PRKG1: variants seen among roughly 807,000 people sequenced by gnomAD.
The protein encoded by PRKG1 is cGMP-dependent protein kinase 1.
In PRKG1, 35 loss-of-function variants were observed where a neutral mutation model predicts 88.1. That is an observed-to-expected ratio of 0.40 (90% CI 0.30 to 0.53). The LOEUF is 0.53. PRKG1 is among the 20% of genes least tolerant of loss of function. The pLI, the probability that PRKG1 is intolerant of heterozygous loss-of-function variation, is 0.59. For synonymous variants in PRKG1, 303 were observed against 292.5 expected, an observed-to-expected ratio of 1.04 and a Z score of -0.37; for missense variants, 540 against 839.8, an observed-to-expected ratio of 0.64 and a Z score of 4.41.
chr10:51,199,105 CAAAT>C (rs1023477998), intron 2 of PRKG1, among the ~76,000 whole-genome samples: 1 of 152,106 alleles, frequency 6.6e-6, no homozygotes, highest in Admixed American at 6.5e-5. Flanking sequence ...AAATTGCAAA[CAAAT>C]GAATTGTACA....
At chr10:52,056,723 T>A (rs954106281) in intron 6 of PRKG1, among the ~76,000 whole-genome samples, 1 of 152,146 alleles carries the variant, frequency 6.6e-6, no homozygotes, top group African/African-American at 2.4e-5. Context: ...CTGCTATGAT[T>A]CTTAGTTATG....
At chr10:52,067,473 G>A (rs776576266) in intron 7 of PRKG1, among the ~76,000 whole-genome samples, 2 of 152,242 alleles carry the variant, frequency 1.3e-5, no homozygotes, top group East Asian at 1.9e-4. Flanking sequence ...TGGCATTGCC[G>A]AAATGTAAAC....
chr10:51,836,806 C>A (rs1165098981), intron 4 of PRKG1, among the ~76,000 whole-genome samples: 1 of 152,124 alleles, frequency 6.6e-6, no homozygotes, highest in African/African-American at 2.4e-5. Flanking sequence ...AATCTCATGA[C>A]CCTTTTAATA....
intron 4 of PRKG1, among the ~76,000 whole-genome samples, chr10:51,865,330 C>A (rs141370958): frequency 2.1e-3 from 320 of 151,978 alleles, no homozygotes; most frequent in African/African-American, 7.2e-3. Flanking sequence ...GTGTTTATTG[C>A]CAATTTTATA....
chr10:51,896,645 T>TAAAAAAAAAA (rs10649150), intron 4 of PRKG1, among the ~76,000 whole-genome samples: 4 of 95,004 alleles, frequency 4.2e-5, no homozygotes, highest in Admixed American at 1.3e-4. Context: ...CCCTGTCTCT[T>TAAAAAAAAAA]AAAAAAAAAA....
upstream of PRKG1, among the ~76,000 whole-genome samples, chr10:51,073,066 A>T (rs1263033014): frequency 1.3e-5 from 2 of 152,244 alleles, no homozygotes; most frequent in Admixed American, 1.3e-4. Flanking sequence ...AAGATGCTAT[A>T]AAATTGGATG....
chr10:51,554,861 A>C (rs923568859), intron 3 of PRKG1, among the ~76,000 whole-genome samples: 3 of 151,766 alleles, frequency 2.0e-5, no homozygotes, highest in Non-Finnish European at 4.4e-5. Flanking sequence ...AAGCCTCAAA[A>C]AAATTTTTTT....
intron 3 of PRKG1, among the ~76,000 whole-genome samples, chr10:51,788,299 T>C (rs1053806150): frequency 6.6e-6 from 1 of 152,210 alleles, no homozygotes; most frequent in East Asian, 1.9e-4. Flanking sequence ...CTAATCATTG[T>C]TGAATGATCA....
chr10:52,141,332 G>A (rs1281504070), intron 8 of PRKG1, among the ~76,000 whole-genome samples: 1 of 152,096 alleles, frequency 6.6e-6, no homozygotes, highest in African/African-American at 2.4e-5. Flanking sequence ...CAACATTTGT[G>A]GTTTAAAGTC....
intron 1 of PRKG1, among the ~76,000 whole-genome samples, chr10:51,120,698 C>G (rs904273530): frequency 6.6e-6 from 1 of 152,080 alleles, no homozygotes; most frequent in African/African-American, 2.4e-5. Flanking sequence ...AAACAGCTAT[C>G]GTTCTTTTCT....
chr10:51,207,727 T>C (rs1358491800), intron 2 of PRKG1, among the ~76,000 whole-genome samples: 2 of 152,164 alleles, frequency 1.3e-5, no homozygotes, highest in Non-Finnish European at 2.9e-5. Flanking sequence ...TGGAAGCCAA[T>C]GGCAACTTTA....
intron 4 of PRKG1, among the ~76,000 whole-genome samples, chr10:51,899,845 G>A (rs956867634): frequency 3.3e-5 from 5 of 151,666 alleles, no homozygotes; most frequent in African/African-American, 1.2e-4. Flanking sequence ...TGGATCATGC[G>A]GTTGCATACC....
At chr10:51,370,495 A>AGTGTGTGTGTGTGTGTATGTGT (rs1564465225) in intron 2 of PRKG1, among the ~76,000 whole-genome samples, 3 of 128,582 alleles carry the variant, frequency 2.3e-5, no homozygotes, top group African/African-American at 8.7e-5. Flanking sequence ...AGAGAGAGAG[A>AGTGTGTGTGTGTGTGTATGTGT]GTGTGTGTGT....
In PRKG1 at chr10:51,396,548, G is replaced by A. The variant is rs150961633; in HGVS notation, c.479-71175G>A. ...AAGCAGTTTTCCTTAGAAGAAACTC[G>A]TTAGATCTTTCAGTGATGGTTAGCG... is the stretch of plus-strand genomic sequence containing the variant. On this transcript the variant is annotated intron_variant, in intron 2 of 17. Coordinates refer to ENST00000373980, the MANE Select transcript of PRKG1 (RefSeq NM_006258.4). Among the ~76,000 whole-genome samples the A allele has an allele frequency of 6.0e-3, 908 of 152,266 alleles. 6 individuals are homozygous for A. Among genetic ancestry groups the A allele is most frequent in the African/African-American group, 0.02 (851 of 41,544 alleles).
At chr10:51,505,530 A>G (rs964349993) in intron 3 of PRKG1, among the ~76,000 whole-genome samples, 3 of 152,190 alleles carry the variant, frequency 2.0e-5, no homozygotes, top group Non-Finnish European at 4.4e-5. Flanking sequence ...TGATTGGAAC[A>G]GTTTCAGAAG....
intron 1 of PRKG1, among the ~76,000 whole-genome samples, chr10:51,129,386 A>G (rs1043020572): frequency 3.3e-5 from 5 of 152,086 alleles, no homozygotes; most frequent in Admixed American, 6.6e-5. Context: ...CGGGGGTTGC[A>G]GTGAGCCAAG....
intron 5 of PRKG1, among the ~76,000 whole-genome samples, chr10:51,948,290 A>T (rs898943455): frequency 2.6e-5 from 4 of 152,136 alleles, no homozygotes; most frequent in Non-Finnish European, 5.9e-5. Flanking sequence ...TTTCTGACTG[A>T]TATTTACATT....
chr10:52,284,919 C>T (rs983749624), intron 14 of PRKG1, among the ~76,000 whole-genome samples: 1 of 151,984 alleles, frequency 6.6e-6, no homozygotes, highest in Non-Finnish European at 1.5e-5. Flanking sequence ...AGCCACATGA[C>T]CTCCCTGAAT....
chr10:51,644,705 T>C (rs527832620), intron 3 of PRKG1, among the ~76,000 whole-genome samples: 2 of 152,276 alleles, frequency 1.3e-5, no homozygotes, highest in South Asian at 2.1e-4. Flanking sequence ...CAGAAGGAAA[T>C]AGTGTTTAGA....
Sources: gnomAD v4.1 joint callset for allele counts (sites outside exome capture counted in the v4.1 genomes callset) on GRCh38, gnomAD v4.1.1 for gene constraint, MANE v1.5 for transcripts, NCBI Gene and HGNC (gene_info 2026-07-23, HGNC 2026-07-21) for gene names.